PIP4K2A: variants seen among roughly 807,000 people sequenced by gnomAD.
PIP4K2A encodes the protein phosphatidylinositol 5-phosphate 4-kinase type-2 alpha.
In PIP4K2A, 14 loss-of-function variants were observed where a neutral mutation model predicts 42.9. The observed-to-expected ratio is 0.33, with a 90% CI of 0.22 to 0.51. The LOEUF is 0.51. Ranked by LOEUF, PIP4K2A falls within the 20% of genes least tolerant of loss-of-function variation. The pLI, the probability that PIP4K2A is intolerant of heterozygous loss-of-function variation, is 0.97. For synonymous variants in PIP4K2A, 192 were observed against 192.2 expected, an observed-to-expected ratio of 1.00 and a Z score of 0.01; for missense variants, 434 against 519.8, an observed-to-expected ratio of 0.83 and a Z score of 1.61.
chr10:22,705,120 C>G (rs1833794092), intron 1 of PIP4K2A, among the ~76,000 whole-genome samples: 2 of 151,792 alleles, frequency 1.3e-5, no homozygotes, highest in East Asian at 3.9e-4. Flanking sequence ...GGACAGGACA[C>G]TAGGTGAAGT....
intron 7 of PIP4K2A, among the ~76,000 whole-genome samples, chr10:22,550,321 C>A (rs540891330): frequency 6.6e-6 from 1 of 152,248 alleles, no homozygotes; most frequent in Non-Finnish European, 1.5e-5. Context: ...GAGTCCAGTA[C>A]TCCCCTGGCC....
At chr10:22,629,921 T>C (rs759012334) in intron 1 of PIP4K2A, among the ~76,000 whole-genome samples, 1 of 152,150 alleles carries the variant, frequency 6.6e-6, no homozygotes, top group Non-Finnish European at 1.5e-5. Flanking sequence ...AAAAAAGATA[T>C]TTTACTTTCA....
intron 5 of PIP4K2A, among the ~76,000 whole-genome samples, chr10:22,571,952 ATAGT>A (rs1191312622): frequency 6.6e-6 from 1 of 152,236 alleles, no homozygotes; most frequent in African/African-American, 2.4e-5. Context: ...CTTTTGGAAA[ATAGT>A]TATTTTTCAT....
chr10:22,674,764 A>C (rs1019677509), intron 1 of PIP4K2A, among the ~76,000 whole-genome samples: 9 of 151,278 alleles, frequency 5.9e-5, no homozygotes, highest in African/African-American at 2.2e-4. Context: ...CAATATTGCA[A>C]GACTCAGTCT....
intron 3 of PIP4K2A, among the ~76,000 whole-genome samples, chr10:22,601,362 A>C (rs1301795579): frequency 1.3e-5 from 2 of 152,094 alleles, no homozygotes; most frequent in South Asian, 2.1e-4. Context: ...TAGGAACAGT[A>C]ATTTGCTCAG....
At chr10:22,572,762 C>G (rs1385397140) in intron 5 of PIP4K2A, among the ~76,000 whole-genome samples, 1 of 152,120 alleles carries the variant, frequency 6.6e-6, no homozygotes, top group African/African-American at 2.4e-5. Flanking sequence ...TCCAGGGGCC[C>G]CCCTTTATCT....
Position 22,693,588 on chromosome 10 carries a change from C to T in PIP4K2A, c.144+20595G>A, listed in dbSNP as rs1240828127. Among the ~76,000 whole-genome samples, 5 of 152,030 alleles carry T rather than the reference C, an allele frequency of 3.3e-5. No homozygotes were observed. In the South Asian group the frequency reaches 6.2e-4, roughly 19 times the overall value. ...TGTTTAAGAAACAAAAGAACAGAGCCGAGAGATCTGAGAGAGAAATTAGTT... is the reference window on the plus strand; with the variant it reads ...TGTTTAAGAAACAAAAGAACAGAGCTGAGAGATCTGAGAGAGAAATTAGTT... On this transcript the variant is annotated intron_variant, in intron 1 of 9. Coordinates refer to ENST00000376573, the MANE Select transcript of PIP4K2A (RefSeq NM_005028.5).
intron 6 of PIP4K2A, 55 bp from the exon 7 acceptor site, chr10:22,550,827 C>A (rs1836393384): frequency 1.4e-5 from 15 of 1,046,798 alleles, no homozygotes; most frequent in Middle Eastern, 2.0e-4. Context: ...CCTAAAAAAA[C>A]CACATACACC....
intron 3 of PIP4K2A, among the ~76,000 whole-genome samples, chr10:22,593,871 T>C (rs530005858): frequency 2.0e-5 from 3 of 152,194 alleles, no homozygotes; most frequent in Admixed American, 6.5e-5. Context: ...GGATGGGGAA[T>C]AGTAAAGGAG....
At chr10:22,617,992 G>A (rs1291378660) in intron 1 of PIP4K2A, among the ~76,000 whole-genome samples, 3 of 152,160 alleles carry the variant, frequency 2.0e-5, no homozygotes, top group East Asian at 1.9e-4. Flanking sequence ...ACAGGAAGAA[G>A]TGTAACGCAT....
At chr10:22,537,526 A>C (rs1835968078) in intron 9 of PIP4K2A, among the ~76,000 whole-genome samples, 1 of 152,176 alleles carries the variant, frequency 6.6e-6, no homozygotes, top group Non-Finnish European at 1.5e-5. Flanking sequence ...AGATGCTACC[A>C]CACACACCGG....
intron 1 of PIP4K2A, among the ~76,000 whole-genome samples, chr10:22,663,094 A>T (rs1294699922): frequency 5.3e-5 from 8 of 152,232 alleles, no homozygotes; most frequent in Admixed American, 5.2e-4. Flanking sequence ...ATTTGAGCTT[A>T]GTGTCAGCAG....
intron 1 of PIP4K2A, among the ~76,000 whole-genome samples, chr10:22,698,696 G>A (rs115612546): frequency 8.6e-4 from 131 of 152,236 alleles, no homozygotes; most frequent in African/African-American, 2.8e-3. Context: ...TAAAATAATT[G>A]TTAAGAATAC....
intron 3 of PIP4K2A, among the ~76,000 whole-genome samples, chr10:22,596,868 C>G (rs754206348): frequency 3.3e-5 from 5 of 152,248 alleles, no homozygotes; most frequent in Non-Finnish European, 5.9e-5. Flanking sequence ...CTGCCCAGAG[C>G]CTCCATCTCC....
chr10:22,561,988 G>C (rs945746213), intron 6 of PIP4K2A, among the ~76,000 whole-genome samples: 2 of 152,176 alleles, frequency 1.3e-5, no homozygotes, highest in Non-Finnish European at 2.9e-5. Flanking sequence ...AATGTAGTAA[G>C]TGTTTTTAGC....
Position 22,692,697 on chromosome 10 carries a change from C to T in PIP4K2A, c.144+21486G>A, listed in dbSNP as rs1318235395. Among the ~76,000 whole-genome samples, 4 of 152,156 alleles carry T rather than the reference C, an allele frequency of 2.6e-5. No individual in the cohort carries two copies. The East Asian group carries it at 5.8e-4, about 22-fold the overall frequency. ...AGAAATATCCAGGCCCCACTTACGG[C>T]CTTCCCTTAGAGATGGAACAGCCCT... On this transcript the variant is annotated intron_variant, in intron 1 of 9. Coordinates refer to ENST00000376573, the MANE Select transcript of PIP4K2A (RefSeq NM_005028.5).
chr10:22,653,051 G>A (rs1049437439), intron 1 of PIP4K2A, among the ~76,000 whole-genome samples: 3 of 152,056 alleles, frequency 2.0e-5, no homozygotes, highest in African/African-American at 7.3e-5. Flanking sequence ...CTATGATGGT[G>A]CTGCTGCACT....
chr10:22,594,578 T>C (rs1837589692), intron 3 of PIP4K2A, among the ~76,000 whole-genome samples: 1 of 152,054 alleles, frequency 6.6e-6, no homozygotes, highest in Admixed American at 6.5e-5. Flanking sequence ...TTATTTTTAA[T>C]AGAGACAGGG....
intron 1 of PIP4K2A, among the ~76,000 whole-genome samples, chr10:22,701,195 AT>A (rs1240201804): frequency 1.3e-5 from 2 of 152,222 alleles, no homozygotes; most frequent in Non-Finnish European, 2.9e-5. Flanking sequence ...GGGCAGGGGT[AT>A]CCCGCCAGAA....
Sources: gnomAD v4.1 joint callset for allele counts (sites outside exome capture counted in the v4.1 genomes callset) on GRCh38, gnomAD v4.1.1 for gene constraint, MANE v1.5 for transcripts, NCBI Gene and HGNC (gene_info 2026-07-23, HGNC 2026-07-21) for gene names.